TENM3: variants seen among roughly 807,000 people sequenced by gnomAD.
The protein encoded by TENM3 is teneurin transmembrane protein 3.
In TENM3, 63 loss-of-function variants were observed where a neutral mutation model predicts 255.1. The ratio of observed to expected loss-of-function variants is 0.25; its 90% CI spans 0.20 to 0.30. The LOEUF is 0.30. TENM3 is among the 10% of genes least tolerant of loss of function. TENM3 has a pLI of 1.00. For synonymous variants in TENM3, 1,306 were observed against 1,322.3 expected (o/e 0.99, Z 0.27); for missense variants, 2,929 against 3,461.1 (o/e 0.85, Z 3.86).
At chr4:182,654,046 T>A (rs1316841524) in intron 6 of TENM3, among the ~76,000 whole-genome samples, 153 bp downstream of exon 6, 1 of 152,150 alleles carries the variant, frequency 6.6e-6, no homozygotes, top group Non-Finnish European at 1.5e-5. Context: ...TTCAATTAAT[T>A]TACTTGAAAG....
At chr4:181,490,887 AGTATCATGCTCTCTG>A in the TENM3 span, among the ~76,000 whole-genome samples, 4 of 152,162 alleles carry the variant, frequency 2.6e-5, no homozygotes, top group African/African-American at 9.7e-5. Context: ...AGATTTTTCA[AGTATCATGCTCTCTG>A]GTGATTTGAA....
In TENM3 at chr4:182,754,215, A is replaced by G. The variant is rs1762563312; in HGVS notation, c.4018-170A>G. Among the ~76,000 whole-genome samples the G allele has an allele frequency of 2.0e-5, 3 of 152,154 alleles. No individual in the cohort carries two copies. The highest frequency in any genetic ancestry group is 2.1e-4 in the South Asian group (1 of 4,828). On this transcript the variant is annotated intron_variant, in intron 21 of 27. Coordinates refer to ENST00000511685, the MANE Select transcript of TENM3 (RefSeq NM_001080477.4). This position sits in a 1 kb window ranked among gnomAD's most constrained non-coding sequence, Gnocchi z 5.1. ...AAATAAAGTGTTATTTCCTGTATCT[A>G]TCTTCATTCATTACTTTTTGGTTTA...
At chr4:182,272,013 G>A (rs1759665810) in intron 1 of TENM3, among the ~76,000 whole-genome samples, 1 of 152,162 alleles carries the variant, frequency 6.6e-6, no homozygotes, top group African/African-American at 2.4e-5. Flanking sequence ...GATGTGGTTT[G>A]TCTCCACACA....
At chr4:182,030,003 T>A in the TENM3 span, among the ~76,000 whole-genome samples, 1 of 65,208 alleles carries the variant, frequency 1.5e-5, no homozygotes, top group South Asian at 8.1e-4. Flanking sequence ...CTCTCTCCTT[T>A]TTTTCTTTTT....
chr4:182,762,102 A>G (rs959697588), intron 22 of TENM3, among the ~76,000 whole-genome samples: 2 of 152,234 alleles, frequency 1.3e-5, no homozygotes, highest in African/African-American at 4.8e-5. Flanking sequence ...TGTTCAGATT[A>G]CTCAAAAAAT....
the TENM3 span, among the ~76,000 whole-genome samples, chr4:181,714,756 A>G: frequency 6.6e-6 from 1 of 152,134 alleles, no homozygotes; most frequent in African/African-American, 2.4e-5. Context: ...GCAACATAAC[A>G]CCATTCTTAT....
chr4:182,075,200 C>CTTTTTTT, the TENM3 span, among the ~76,000 whole-genome samples: 10 of 128,196 alleles, frequency 7.8e-5, no homozygotes, highest in African/African-American at 1.8e-4. Context: ...TGTTTTTTTT[C>CTTTTTTT]TTTTTTTTTT....
the TENM3 span, among the ~76,000 whole-genome samples, chr4:181,874,108 A>T: frequency 6.6e-6 from 1 of 151,774 alleles, no homozygotes; most frequent in East Asian, 1.9e-4. Flanking sequence ...TATTAGAGAT[A>T]GGGTTTCACC....
intron 22 of TENM3, among the ~76,000 whole-genome samples, chr4:182,760,572 A>C (rs6829132): frequency 0.064 from 9,598 of 150,960 alleles, 347 homozygotes; most frequent in South Asian, 0.15. Context: ...GGGACTTTGA[A>C]TATTTGGAGC....
intron 1 of TENM3, among the ~76,000 whole-genome samples, chr4:182,220,690 G>T (rs1255397639): frequency 2.0e-5 from 3 of 152,176 alleles, no homozygotes; most frequent in South Asian, 2.1e-4. Flanking sequence ...GGTAAAAATT[G>T]TAGTCTTATG....
At chr4:182,141,140 C>G (rs1281094193), upstream of TENM3, 7 of 152,292 alleles carry the variant, frequency 4.6e-5, no homozygotes, top group Non-Finnish European at 7.3e-5. Context: ...AGGGCGATGC[C>G]GCCAGCTCGG....
At chr4:182,210,780 G>C (rs1004303852) in intron 1 of TENM3, among the ~76,000 whole-genome samples, 10 of 152,070 alleles carry the variant, frequency 6.6e-5, no homozygotes, top group Non-Finnish European at 1.5e-4. Flanking sequence ...TTGCCAAGCA[G>C]GTCTTCCCCA....
At chr4:181,694,540 C>T in the TENM3 span, among the ~76,000 whole-genome samples, 1 of 152,184 alleles carries the variant, frequency 6.6e-6, no homozygotes, top group Non-Finnish European at 1.5e-5. Flanking sequence ...TTAGCTAGTT[C>T]TCTCTGAACT....
chr4:181,612,624 A>C, the TENM3 span, among the ~76,000 whole-genome samples: 1 of 152,104 alleles, frequency 6.6e-6, no homozygotes, highest in Non-Finnish European at 1.5e-5. Flanking sequence ...ATCAAACCTT[A>C]AGTAGGAGTA....
chr4:182,680,443 G>T (rs1756073485), intron 9 of TENM3, 94 bp downstream of exon 9: 1 of 1,393,442 alleles, frequency 7.2e-7, no homozygotes, highest in Non-Finnish European at 1.0e-6. Context: ...AGAAAGGGGG[G>T]GGGAGACTGG....
chr4:182,283,992 G>A (rs17072973), intron 1 of TENM3, among the ~76,000 whole-genome samples: 15,168 of 152,146 alleles, frequency 0.1, 1,370 homozygotes, highest in African/African-American at 0.24. Context: ...TTACCTCAAC[G>A]CTACTTTGTG....
At chr4:181,614,444 C>A in the TENM3 span, among the ~76,000 whole-genome samples, 1 of 152,198 alleles carries the variant, frequency 6.6e-6, no homozygotes, top group Non-Finnish European at 1.5e-5. Context: ...GATTCCTGGG[C>A]TCTACCTCCA....
At chr4:181,880,606 T>A in the TENM3 span, among the ~76,000 whole-genome samples, 6 of 152,312 alleles carry the variant, frequency 3.9e-5, no homozygotes, top group Admixed American at 3.9e-4. Context: ...AATATGGTGA[T>A]AGTGACAAGT....
chr4:181,553,438 T>G, the TENM3 span, among the ~76,000 whole-genome samples: 1 of 151,914 alleles, frequency 6.6e-6, no homozygotes, highest in African/African-American at 2.4e-5. Flanking sequence ...ATAGAAGGGC[T>G]TTTTATTTAT....
Sources: allele counts gnomAD v4.1 joint callset (sites outside exome capture counted in the v4.1 genomes callset), GRCh38; gene constraint gnomAD v4.1.1; non-coding constraint Gnocchi (gnomAD v3.1); transcripts MANE v1.5; gene names NCBI Gene and HGNC (gene_info 2026-07-23, HGNC 2026-07-21).